The following STK33 variants were observed in gnomAD, a reference collection of about 807,000 sequenced individuals.
The protein encoded by STK33 is serine/threonine-protein kinase 33.
STK33 carries 52 observed loss-of-function variants against 58.0 expected under a neutral mutation model. The ratio of observed to expected loss-of-function variants is 0.90; its 90% CI spans 0.72 to 1.13. STK33 has a LOEUF of 1.13. Among genes scored for constraint, STK33 ranks in the 50% most tolerant of loss-of-function variants. The pLI, the probability that STK33 is intolerant of heterozygous loss-of-function variation, is 0.00. For synonymous variants in STK33, 215 were observed against 200.1 expected (o/e 1.07, Z -0.63); for missense variants, 630 against 604.2 (o/e 1.04, Z -0.45).
intron 8 of STK33, among the ~76,000 whole-genome samples, chr11:8,460,627 T>C (rs1049540877): frequency 6.6e-6 from 1 of 151,796 alleles, no homozygotes; most frequent in East Asian, 1.9e-4. Flanking sequence ...GAGGAAATAA[T>C]AGCCCCCAAT....
the STK33 span, among the ~76,000 whole-genome samples, chr11:8,356,207 G>C: frequency 6.6e-6 from 1 of 152,194 alleles, no homozygotes; most frequent in Non-Finnish European, 1.5e-5. Flanking sequence ...GTTAGTTACA[G>C]GTATGAAGCT....
intron 11 of STK33, among the ~76,000 whole-genome samples, chr11:8,449,095 A>C (rs1234912891): frequency 6.6e-6 from 1 of 151,656 alleles, no homozygotes; most frequent in African/African-American, 2.4e-5. Flanking sequence ...ACCATCTCAC[A>C]CCAGTTAGAA....
At chr11:8,587,569 G>A (rs1013371391) in intron 1 of STK33, among the ~76,000 whole-genome samples, 1 of 142,328 alleles carries the variant, frequency 7.0e-6, no homozygotes, top group African/African-American at 2.6e-5. Flanking sequence ...TCCAGAGGGA[G>A]GAGTTTTCAA....
intron 1 of STK33, among the ~76,000 whole-genome samples, chr11:8,519,185 A>T (rs1284748433): frequency 7.9e-5 from 12 of 152,154 alleles, no homozygotes; most frequent in Admixed American, 1.3e-4. Context: ...GGATTAAGAA[A>T]CTCACTCAAA....
chr11:8,422,370 G>C (rs928598759), intron 14 of STK33, among the ~76,000 whole-genome samples: 1 of 152,124 alleles, frequency 6.6e-6, no homozygotes, highest in African/African-American at 2.4e-5. Flanking sequence ...CTAATAGTAT[G>C]TCTAAGGTTT....
chr11:8,568,236 T>C (rs778450343), intron 1 of STK33, among the ~76,000 whole-genome samples: 2 of 152,194 alleles, frequency 1.3e-5, no homozygotes, highest in Non-Finnish European at 2.9e-5. Flanking sequence ...ACATTTTCTA[T>C]TCTGGGAACA....
chr11:8,435,842 C>T (rs1293825334), intron 13 of STK33, among the ~76,000 whole-genome samples, 185 bp downstream of exon 13: 1 of 152,078 alleles, frequency 6.6e-6, no homozygotes, highest in Non-Finnish European at 1.5e-5. Flanking sequence ...TATGTATTTT[C>T]CGTTTTTGAA....
intron 1 of STK33, among the ~76,000 whole-genome samples, chr11:8,589,806 T>C (rs1219336838): frequency 6.6e-6 from 1 of 152,134 alleles, no homozygotes. Context: ...ATAACAAATA[T>C]GAAAAATATT....
the STK33 span, among the ~76,000 whole-genome samples, chr11:8,341,890 C>T: frequency 1.3e-5 from 2 of 152,252 alleles, no homozygotes; most frequent in South Asian, 2.1e-4. Flanking sequence ...GTTATCAAAC[C>T]AAACTTGGGC....
At chr11:8,349,255 A>G in the STK33 span, among the ~76,000 whole-genome samples, 1 of 152,226 alleles carries the variant, frequency 6.6e-6, no homozygotes, top group Non-Finnish European at 1.5e-5. Flanking sequence ...CCCTTGAAGC[A>G]GTGTCTGATA....
chr11:8,429,140 A>C (rs976632933), intron 14 of STK33, among the ~76,000 whole-genome samples: 1 of 152,216 alleles, frequency 6.6e-6, no homozygotes, highest in African/African-American at 2.4e-5. Context: ...GAACTTGTTC[A>C]TAAATATCTA....
intron 12 of STK33, among the ~76,000 whole-genome samples, 175 bp from the exon 13 acceptor site, chr11:8,436,314 G>C (rs1255897827): frequency 1.3e-5 from 2 of 152,190 alleles, no homozygotes; most frequent in Non-Finnish European, 1.5e-5. Flanking sequence ...TCCAAGATCA[G>C]TGCTAGGCTC....
chr11:8,403,520 T>G (rs926841307), intron 15 of STK33, among the ~76,000 whole-genome samples: 1 of 152,140 alleles, frequency 6.6e-6, no homozygotes, highest in Non-Finnish European at 1.5e-5. Context: ...CATCTCTGAG[T>G]GCTGCATTCA....
At chr11:8,499,106 T>G (rs1055439050) in intron 1 of STK33, among the ~76,000 whole-genome samples, 1 of 152,166 alleles carries the variant, frequency 6.6e-6, no homozygotes, top group Admixed American at 6.5e-5. Flanking sequence ...CTGAAGAGCT[T>G]CTGCACAGCA....
chr11:8,423,144 T>G (rs1172932900), intron 14 of STK33, among the ~76,000 whole-genome samples: 1 of 151,626 alleles, frequency 6.6e-6, no homozygotes, highest in African/African-American at 2.4e-5. Flanking sequence ...GCCCAGCCTG[T>G]TTTCTGTTTC....
At chr11:8,338,927 G>A in the STK33 span, among the ~76,000 whole-genome samples, 6 of 150,754 alleles carry the variant, frequency 4.0e-5, no homozygotes, top group Admixed American at 1.3e-4. Flanking sequence ...ATGACTGACC[G>A]ACTGACTGAC....
At chr11:8,382,787 T>A in the STK33 span, among the ~76,000 whole-genome samples, 1 of 152,172 alleles carries the variant, frequency 6.6e-6, no homozygotes, top group East Asian at 1.9e-4. Flanking sequence ...TCCCCATATA[T>A]CTCAGTGGAT....
chr11:8,398,840 TA>T (rs1849850891), intron 15 of STK33, among the ~76,000 whole-genome samples: 1 of 150,564 alleles, frequency 6.6e-6, no homozygotes, highest in Admixed American at 6.6e-5. Flanking sequence ...AAACAGACTT[TA>T]AACCAACAAA....
chr11:8,575,495 C>A (rs992223012), intron 1 of STK33, among the ~76,000 whole-genome samples: 1 of 152,058 alleles, frequency 6.6e-6, no homozygotes, highest in Non-Finnish European at 1.5e-5. Context: ...AAGTCAGACA[C>A]AAAATGACAA....
Sources: gnomAD v4.1 joint callset for allele counts (sites outside exome capture counted in the v4.1 genomes callset) on GRCh38, gnomAD v4.1.1 for gene constraint, MANE v1.5 for transcripts, NCBI Gene and HGNC (gene_info 2026-07-23, HGNC 2026-07-21) for gene names.